Variants in LRP1 observed in about 807,000 individuals in gnomAD.
LRP1 encodes the protein prolow-density lipoprotein receptor-related protein 1.
In LRP1, 51 loss-of-function variants were observed where a neutral mutation model predicts 541.5. The ratio of observed to expected loss-of-function variants is 0.09; its 90% CI spans 0.08 to 0.12. The LOEUF is 0.12. Among genes scored for constraint, LRP1 ranks in the 10% least tolerant of loss-of-function variants. LRP1 has a pLI of 1.00. For synonymous variants in LRP1, 2,219 were observed against 2,470.8 expected (o/e 0.90, Z 3.02); for missense variants, 3,878 against 6,376.2 (o/e 0.61, Z 13.34).
chr12:57,192,698 C>T lies in LRP1; in HGVS notation c.7430-147C>T, dbSNP rs2036439454. 7 of 1,101,592 alleles carry T rather than the reference C, an allele frequency of 6.4e-6. No homozygotes were observed. In the Admixed American group the frequency reaches 9.1e-5, roughly 14 times the overall value. 68.2% of individuals were successfully genotyped at this position (1,101,592 alleles called of 1,614,324 possible). A position where few individuals can be genotyped will look rare whatever the true frequency, so the allele number is the denominator to read the frequency against. ...CTCCCACAGCAGCCATCCCCATGCC[C>T]TCCCCACTGGCTGCAAGCCGCTGTG... On this transcript the variant is annotated intron_variant, in intron 44 of 88. Transcript: ENST00000243077.
intron 42 of LRP1, among the ~76,000 whole-genome samples, chr12:57,188,899 C>T (rs1422943311): frequency 6.6e-6 from 1 of 152,100 alleles, no homozygotes; most frequent in Non-Finnish European, 1.5e-5. Flanking sequence ...GGTCCCAGTG[C>T]CCAGGAGAAA....
At position 57,175,515 on chromosome 12, in the gene LRP1, C is replaced by T. The variant is rs765003676; in HGVS notation, c.3603C>T (p.Gly1201=). 20 of 1,613,936 alleles carry T rather than the reference C, an allele frequency of 1.2e-5. No individual in the cohort carries two copies. In the Admixed American group the frequency reaches 1.5e-4, roughly 12 times the overall value. ...GCCACAACTGCTCAGTGGCACCTGGCGAAGGCATTGTGTGTTCCTGCCCTC... is the reference window on the plus strand; with the variant it reads ...GCCACAACTGCTCAGTGGCACCTGGTGAAGGCATTGTGTGTTCCTGCCCTC... ...GCSHNCSVAP[G]EGIVCSCPLG... is the part of the protein sequence containing the mutation. Residue 1201 remains glycine (G), a synonymous_variant, in exon 23 of 89, where the codon GGC becomes GGT. Coordinates refer to ENST00000243077, the MANE Select transcript of LRP1 (RefSeq NM_002332.3).
intron 60 of LRP1, 49 bp from the exon 61 acceptor site, chr12:57,199,163 T>C: frequency 6.3e-7 from 1 of 1,576,300 alleles, no homozygotes; most frequent in Non-Finnish European, 8.7e-7. Context: ...GCCGGCACCC[T>C]GTCCGAGCTC....
intron 60 of LRP1, 143 bp from the exon 61 acceptor site, chr12:57,199,068 TG>T: frequency 2.6e-6 from 2 of 757,990 alleles, no homozygotes; most frequent in South Asian, 1.6e-5. Context: ...TGTGAGACCA[TG>T]GGGGGTCTGT....
intron 34 of LRP1, among the ~76,000 whole-genome samples, chr12:57,182,619 C>T (rs2136707565): frequency 6.6e-6 from 1 of 151,480 alleles, no homozygotes; most frequent in South Asian, 2.1e-4. Context: ...GGGTTCAAGA[C>T]CAGCCTGACC....
chr12:57,204,930 C>A lies in LRP1; in HGVS notation c.11195-179C>A. 1 of 1,322,218 alleles carries A rather than the reference C, an allele frequency of 7.6e-7. No homozygotes were observed. The highest frequency in any genetic ancestry group is 1.0e-6 in the Non-Finnish European group (1 of 971,864). 81.9% of individuals were successfully genotyped at this position (1,322,218 alleles called of 1,614,324 possible). A position where few individuals can be genotyped will look rare whatever the true frequency, so the allele number is the denominator to read the frequency against. Reference sequence around the variant, plus strand: ...AGGAAAGAGAAGCCCCTGGGGAAGGCTCTGGGGGCTGCCTGATGCCTTAGG... The same window carrying A: ...AGGAAAGAGAAGCCCCTGGGGAAGGATCTGGGGGCTGCCTGATGCCTTAGG... On this transcript the variant is annotated intron_variant, in intron 72 of 88. Coordinates refer to ENST00000243077, the MANE Select transcript of LRP1 (RefSeq NM_002332.3). The surrounding 1 kb of genome is among the most constrained non-coding windows in gnomAD (Gnocchi z 5.3).
rs889566942 is a variant in LRP1, at chr12:57,190,806, C to T, written c.7033C>T (p.Leu2345Phe). 7 of 1,613,676 alleles carry T rather than the reference C, an allele frequency of 4.3e-6. No individual in the cohort carries two copies. Among genetic ancestry groups the T allele is most frequent in the Non-Finnish European group, 5.9e-6 (7 of 1,179,856 alleles). ...RAFVLDECQN[L>F]MFWTNWNEQH... Reference sequence around the variant, plus strand: ...GATCTCTGGACCCTCTTCCCCCAGCCTCATGTTCTGGACCAACTGGAATGA... The same window carrying T: ...GATCTCTGGACCCTCTTCCCCCAGCTTCATGTTCTGGACCAACTGGAATGA... Residue 2345 changes from leucine to phenylalanine, a missense_variant and splice_region_variant, in exon 43 of 89, where the codon CTC becomes TTC. This residue lies in a region of LRP1 where 1,100 missense variants were observed against 1,827.4 expected (regional missense o/e 0.60). Transcript: ENST00000243077.
At chr12:57,133,522 A>C (rs1367864336) in intron 1 of LRP1, among the ~76,000 whole-genome samples, 1 of 152,034 alleles carries the variant, frequency 6.6e-6, no homozygotes, top group Admixed American at 6.6e-5. Flanking sequence ...AAAATACAAA[A>C]AATTCAGTGA....
intron 2 of LRP1, among the ~76,000 whole-genome samples, chr12:57,139,595 G>T (rs1178071997): frequency 1.3e-5 from 2 of 152,062 alleles, no homozygotes; most frequent in Admixed American, 1.3e-4. Flanking sequence ...CCTTCAATTT[G>T]CTGTAAACCT....
intron 22 of LRP1, 90 bp from the exon 23 acceptor site, chr12:57,175,370 C>A: frequency 6.7e-7 from 1 of 1,501,268 alleles, no homozygotes; most frequent in African/African-American, 1.4e-5. Flanking sequence ...TTGGTCCAGG[C>A]TGCCCAGGAC....
chr12:57,202,343 C>A, intron 67 of LRP1, 78 bp from the exon 68 acceptor site: 2 of 1,171,078 alleles, frequency 1.7e-6, no homozygotes, highest in Non-Finnish European at 2.6e-6. Flanking sequence ...CCTGCCAGGC[C>A]AGCCTGACCA....
chr12:57,203,873 AT>A, intron 70 of LRP1: 1 of 267,134 alleles, frequency 3.7e-6, no homozygotes, highest in Non-Finnish European at 7.0e-6. Context: ...AGCCCTGCCT[AT>A]TTTCCCTTCC....
At chr12:57,186,525 AG>A (rs2136712780) in intron 41 of LRP1, among the ~76,000 whole-genome samples, 1 of 152,356 alleles carries the variant, frequency 6.6e-6, no homozygotes, top group East Asian at 1.9e-4. Flanking sequence ...AAGACCTGCC[AG>A]GCACCGAACT....
At position 57,210,086 on chromosome 12, in the gene LRP1, G is replaced by C; in HGVS notation, c.12497G>C (p.Gly4166Ala). The change falls in exon 81 of 89, where the codon GGG becomes GCG. Residue 4166 changes from glycine to alanine, a missense_variant. Around this residue, in one of 13 missense-constraint regions of LRP1, gnomAD observed 871 missense variants for 1,212.4 expected, o/e 0.72. Coordinates refer to ENST00000243077, the MANE Select transcript of LRP1 (RefSeq NM_002332.3). Reference protein sequence around the residue: ...CEWLCLLSPSGPVCTCPNGKR... With the variant: ...CEWLCLLSPSAPVCTCPNGKR... ...TGGCTCTGCCTGCTGAGCCCCAGTG[G>C]GCCTGTCTGCACCTGTCCCAATGGG... 1 of 1,613,574 alleles carries C rather than the reference G, an allele frequency of 6.2e-7. No homozygotes were observed. Among genetic ancestry groups the C allele is most frequent in the Non-Finnish European group, 8.5e-7 (1 of 1,179,798 alleles).
Position 57,211,250 on chromosome 12 carries a change from A to T in LRP1, c.12991A>T (p.Thr4331Ser), listed in dbSNP as rs1373776309. ...AADGSRQCRC[T>S]AYFEGSRCEV... Reference sequence around the variant, plus strand: ...TGATGGCTCCCGACAATGCCGCTGCACTGCCTACTTTGAGGGATCGAGGTG... The same window carrying T: ...TGATGGCTCCCGACAATGCCGCTGCTCTGCCTACTTTGAGGGATCGAGGTG... The change falls in exon 84 of 89, where the codon ACT (threonine) becomes TCT (serine). Residue 4331 changes from threonine to serine, a missense_variant. Coordinates refer to ENST00000243077, the MANE Select transcript of LRP1 (RefSeq NM_002332.3). The surrounding 1 kb of genome is among the most constrained non-coding windows in gnomAD (Gnocchi z 4.3). The T allele has an allele frequency of 6.2e-7, 1 of 1,614,096 alleles. No homozygotes were observed. The highest frequency in any genetic ancestry group is 1.3e-5 in the African/African-American group (1 of 74,952).
At chr12:57,144,469 C>T (rs893765086) in intron 4 of LRP1, among the ~76,000 whole-genome samples, 13 of 152,032 alleles carry the variant, frequency 8.6e-5, no homozygotes, top group African/African-American at 2.9e-4. Flanking sequence ...AATTTGCCTC[C>T]CTCGGGTCTT....
In LRP1 at chr12:57,179,999, TG is replaced by T. The variant is rs761919508; in HGVS notation, c.5142-45del. On this transcript the variant is annotated intron_variant, in intron 30 of 88. Coordinates refer to ENST00000243077, the MANE Select transcript of LRP1 (RefSeq NM_002332.3). The surrounding 1 kb of genome is among the most constrained non-coding windows in gnomAD (Gnocchi z 6.8). ...GGCCGGGGAGCATGGGGTGTGGGGCTGGGAAGAAGAGGACCCTGACCTTTCC... is the reference window on the plus strand; with the variant it reads ...GGCCGGGGAGCATGGGGTGTGGGGCTGGAAGAAGAGGACCCTGACCTTTCC... 3.3e-5 allele frequency: 53 copies of T among 1,613,524 alleles called. No homozygotes were observed. Among genetic ancestry groups the T allele is most frequent in the Admixed American group, 8.3e-5 (5 of 59,990 alleles).
At chr12:57,161,347 G>C (rs2035729506) in intron 13 of LRP1, among the ~76,000 whole-genome samples, 1 of 152,148 alleles carries the variant, frequency 6.6e-6, no homozygotes, top group Non-Finnish European at 1.5e-5. Context: ...GCGTCTCTTT[G>C]TGTCTATTCG....
At chr12:57,192,771 T>C in intron 44 of LRP1, 74 bp from the exon 45 acceptor site, 4 of 1,591,160 alleles carry the variant, frequency 2.5e-6, no homozygotes, top group Non-Finnish European at 3.4e-6. Flanking sequence ...AGTCAGTGAA[T>C]GGGTGGGTGC....
Sources: gnomAD v4.1 joint callset for allele counts (sites outside exome capture counted in the v4.1 genomes callset) on GRCh38, gnomAD v4.1.1 for gene constraint, gnomAD v4.1.1 regional missense constraint, Gnocchi (gnomAD v3.1) non-coding constraint, MANE v1.5 for transcripts, NCBI Gene and HGNC (gene_info 2026-07-23, HGNC 2026-07-21) for gene names.